PANX1: variants seen among roughly 807,000 people sequenced by gnomAD.
The protein encoded by PANX1 is pannexin-1.
Under a neutral mutation model 38.7 loss-of-function variants are expected in PANX1, and 30 were observed. The ratio of observed to expected loss-of-function variants is 0.78; its 90% CI spans 0.58 to 1.05. PANX1 has a LOEUF of 1.05. Ranked by LOEUF, PANX1 falls within the 50% of genes least tolerant of loss-of-function variation. The pLI, the probability that PANX1 is intolerant of heterozygous loss-of-function variation, is 0.00. For synonymous variants in PANX1, 230 were observed against 212.2 expected (o/e 1.08, Z -0.73); for missense variants, 551 against 517.2 (o/e 1.07, Z -0.63).
chr11:94,128,999 C>T lies in PANX1; in HGVS notation c.-314C>T, dbSNP rs1048453375. On this transcript the variant is annotated 5_prime_UTR_variant, in exon 1 of 5. Coordinates refer to ENST00000227638, the MANE Select transcript of PANX1 (RefSeq NM_015368.4). ...CGTGGTTCCCGCGCCTGGGGGTGCG[C>T]GGGAGAGGCGCGAATCCGAGTGCCG... 16 of 220,050 alleles carry T rather than the reference C, an allele frequency of 7.3e-5. No individual in the cohort carries two copies. Among genetic ancestry groups the T allele is most frequent in the Admixed American group, 1.2e-4 (2 of 16,998 alleles). The allele number at this position is 220,050 out of a possible 1,614,324, so 13.6% of individuals were successfully genotyped here.
At position 94,138,998 on chromosome 11, in the gene PANX1, A is replaced by G. The variant is rs371447682; in HGVS notation, c.181+9505A>G. On this transcript the variant is annotated intron_variant, in intron 1 of 4. Coordinates refer to ENST00000227638, the MANE Select transcript of PANX1 (RefSeq NM_015368.4). The stretch of plus-strand genomic sequence containing the variant: ...CAGTCTGTTTTGTTCTTTTGGTGCT[A>G]TAAGTCAAGACTCTAGCTGATAATC... Among the ~76,000 whole-genome samples, 8 of 152,322 alleles carry G rather than the reference A, an allele frequency of 5.3e-5. No homozygotes were observed. In the East Asian group the frequency reaches 5.8e-4, roughly 11 times the overall value.
chr11:94,143,881 T>C (rs1946794297), intron 1 of PANX1, among the ~76,000 whole-genome samples: 1 of 152,096 alleles, frequency 6.6e-6, no homozygotes, highest in African/African-American at 2.4e-5. Context: ...CCCATGTAGG[T>C]GGGACCACAG....
At chr11:94,176,452 C>T (rs1329019642) in intron 2 of PANX1, among the ~76,000 whole-genome samples, 1 of 151,566 alleles carries the variant, frequency 6.6e-6, no homozygotes, top group African/African-American at 2.4e-5. Flanking sequence ...CTGTACTTTA[C>T]AAATAAAAGT....
intron 1 of PANX1, among the ~76,000 whole-genome samples, chr11:94,142,316 G>C (rs1946772050): frequency 6.6e-6 from 1 of 152,152 alleles, no homozygotes; most frequent in Admixed American, 6.5e-5. Flanking sequence ...ATGGGTGTAT[G>C]GATTATAGTA....
intron 2 of PANX1, among the ~76,000 whole-genome samples, chr11:94,166,248 G>A (rs996088321): frequency 6.6e-6 from 1 of 152,168 alleles, no homozygotes; most frequent in Admixed American, 6.5e-5. Flanking sequence ...ACTTTTACCA[G>A]TGAGTCTGTA....
intron 1 of PANX1, among the ~76,000 whole-genome samples, chr11:94,147,355 CT>C (rs1946838926): frequency 6.6e-6 from 1 of 152,056 alleles, no homozygotes; most frequent in African/African-American, 2.4e-5. Flanking sequence ...CTTCTGATGC[CT>C]TTTTTCCCTG....
At chr11:94,132,299 A>T (rs557301433) in intron 1 of PANX1, among the ~76,000 whole-genome samples, 1 of 152,304 alleles carries the variant, frequency 6.6e-6, no homozygotes, top group South Asian at 2.1e-4. Context: ...CTAATGCAGG[A>T]TTCATGGAAC....
At chr11:94,133,652 T>G (rs1193709711) in intron 1 of PANX1, among the ~76,000 whole-genome samples, 3 of 152,138 alleles carry the variant, frequency 2.0e-5, no homozygotes, top group Non-Finnish European at 1.5e-5. Flanking sequence ...CAGGTGTGCC[T>G]CCTCTGAGAT....
chr11:94,134,931 C>G (rs1183440803), intron 1 of PANX1, among the ~76,000 whole-genome samples: 1 of 152,150 alleles, frequency 6.6e-6, no homozygotes, highest in Non-Finnish European at 1.5e-5. Flanking sequence ...TGGTTGAAGA[C>G]AAAACTATCA....
intron 2 of PANX1, chr11:94,175,764 A>G: frequency 1.0e-6 from 1 of 984,822 alleles, no homozygotes; most frequent in African/African-American, 1.8e-5. Context: ...TGAATTATGC[A>G]GCCAAAATTC....
At chr11:94,131,737 G>A (rs1946631841) in intron 1 of PANX1, among the ~76,000 whole-genome samples, 1 of 152,216 alleles carries the variant, frequency 6.6e-6, no homozygotes, top group Admixed American at 6.5e-5. Context: ...ACCAGAAGAA[G>A]GGCTTTTGAG....
chr11:94,158,255 T>G (rs1341133172), intron 2 of PANX1, among the ~76,000 whole-genome samples: 4 of 152,078 alleles, frequency 2.6e-5, no homozygotes, highest in Non-Finnish European at 4.4e-5. Context: ...CCATATGAAC[T>G]TTAAAGTAGT....
At position 94,179,755 on chromosome 11, in the gene PANX1, T is replaced by C. The variant is rs146698723; in HGVS notation, c.699T>C (p.Tyr233=). The C allele has an allele frequency of 1.2e-6, 2 of 1,614,032 alleles. No individual in the cohort carries two copies. Among genetic ancestry groups the C allele is most frequent in the African/African-American group, 1.3e-5 (1 of 74,920 alleles). ...IILLACIYLG[Y]YFSLSSLSDE... ...TGTTAGCGTGTATCTACCTGGGCTA[T>C]TACTTCAGCCTCTCCTCACTCTCAG... The change falls in exon 4 of 5, where the codon TAT becomes TAC. Residue 233 remains tyrosine (Y), a synonymous_variant. Coordinates refer to ENST00000227638, the MANE Select transcript of PANX1 (RefSeq NM_015368.4).
At chr11:94,161,142 C>G (rs1947026187) in intron 2 of PANX1, among the ~76,000 whole-genome samples, 1 of 152,236 alleles carries the variant, frequency 6.6e-6, no homozygotes, top group South Asian at 2.1e-4. Context: ...ACCTTTCTCT[C>G]TGGCTGCCCT....
chr11:94,129,178 G>A lies in PANX1; in HGVS notation c.-135G>A. 2 of 654,760 alleles carry A rather than the reference G, an allele frequency of 3.1e-6. No homozygotes were observed. Among genetic ancestry groups the A allele is most frequent in the South Asian group, 2.2e-5 (1 of 45,804 alleles). The allele number at this position is 654,760 out of a possible 1,614,324, so 40.6% of individuals were successfully genotyped here. On this transcript the variant is annotated 5_prime_UTR_variant, in exon 1 of 5. Transcript: ENST00000227638. ...GAGCCTGAGGCACCGAGACACAAAGGCAGGCGGGATGCGGGAGCAGGCAAA... is the reference window on the plus strand; with the variant it reads ...GAGCCTGAGGCACCGAGACACAAAGACAGGCGGGATGCGGGAGCAGGCAAA...
In PANX1 at chr11:94,173,684, A is replaced by T. The variant is rs535683804; in HGVS notation, c.322-4685A>T. Among the ~76,000 whole-genome samples the T allele has an allele frequency of 2.0e-5, 3 of 151,668 alleles. No individual in the cohort carries two copies. In the South Asian group the frequency reaches 6.2e-4, roughly 32 times the overall value. ...TGTCTTCTCTTCCTGCCTCTCTGCCACAGTGACCTCCTGCCTGGTCTCTCT... is the reference window on the plus strand; with the variant it reads ...TGTCTTCTCTTCCTGCCTCTCTGCCTCAGTGACCTCCTGCCTGGTCTCTCT... On this transcript the variant is annotated intron_variant, in intron 2 of 4. Transcript: ENST00000227638.
chr11:94,180,030 A>G lies in PANX1; in HGVS notation c.974A>G (p.Tyr325Cys). 1 of 1,606,946 alleles carries G rather than the reference A, an allele frequency of 6.2e-7. No individual in the cohort carries two copies. Among genetic ancestry groups the G allele is most frequent in the Non-Finnish European group, 8.5e-7 (1 of 1,175,012 alleles). Residue 325 changes from tyrosine (Y) to cysteine (C), a missense_variant, in exon 4 of 5, where the codon TAC (tyrosine) becomes TGC (cysteine). Physicochemically the swap from Tyr to Cys is radical, Grantham distance 194. Coordinates refer to ENST00000227638, the MANE Select transcript of PANX1 (RefSeq NM_015368.4). The part of the protein sequence containing the change: ...FDVLHFKSEG[Y>C]NDLSLYNLFL... ...GTTCTGCATTTCAAATCTGAAGGGT[A>G]CAACGATTTGAGCCTCTACAATCTC...
intron 2 of PANX1, among the ~76,000 whole-genome samples, chr11:94,173,985 T>C (rs1399369882): frequency 1.3e-5 from 2 of 151,572 alleles, no homozygotes; most frequent in Non-Finnish European, 2.9e-5. Context: ...TGATGTGCTT[T>C]CTTCTAGTTC....
intron 2 of PANX1, among the ~76,000 whole-genome samples, chr11:94,155,323 C>A (rs1013095872): frequency 2.4e-4 from 35 of 146,872 alleles, no homozygotes; most frequent in Admixed American, 4.8e-4. Flanking sequence ...GCACTCCAGC[C>A]TGGGGAACAA....
Sources: allele counts gnomAD v4.1 joint callset (sites outside exome capture counted in the v4.1 genomes callset), GRCh38; gene constraint gnomAD v4.1.1; transcripts MANE v1.5; gene names NCBI Gene and HGNC (gene_info 2026-07-23, HGNC 2026-07-21).